The following OCA2 variants were observed in gnomAD, a reference collection of about 807,000 sequenced individuals.
OCA2 encodes P protein.
A neutral mutation model predicts 100.2 loss-of-function variants in OCA2; 77 were observed. The ratio of observed to expected loss-of-function variants is 0.77; its 90% confidence interval spans 0.64 to 0.93. The LOEUF is 0.93. Ranked by LOEUF, OCA2 falls within the 40% of genes least tolerant of loss-of-function variation. The pLI, the probability that OCA2 is intolerant of heterozygous loss-of-function variation, is 0.00. For missense variants in OCA2, 1,062 were observed against 1,089.1 expected (o/e 0.98, Z 0.35); for synonymous variants, 432 against 439.2 (o/e 0.98, Z 0.21).
intron 2 of OCA2, among the ~76,000 whole-genome samples, chr15:28,049,423 C>A (rs922724526): frequency 6.6e-6 from 1 of 152,126 alleles, no homozygotes; most frequent in Non-Finnish European, 1.5e-5. Flanking sequence ...CAGGTTCTCA[C>A]AAAGTTAAAC....
chr15:28,095,175 G>A (rs1037762345), intron 1 of OCA2, among the ~76,000 whole-genome samples: 149 of 152,322 alleles, frequency 9.8e-4, no homozygotes, highest in African/African-American at 3.4e-3. Flanking sequence ...ACGGCTGAGT[G>A]CTCCGGGCAT....
intron 22 of OCA2, among the ~76,000 whole-genome samples, chr15:27,848,065 A>G (rs569730298): frequency 8.2e-4 from 125 of 152,254 alleles, no homozygotes; most frequent in Admixed American, 2.0e-3. Context: ...CGGGACCCCT[A>G]TGTTTTCTGA....
Position 27,913,816 on chromosome 15 carries a change from G to GAGAAAGAA in OCA2, c.2079+12303_2079+12310dup, listed in dbSNP as rs1227102939. Among the ~76,000 whole-genome samples, 396 of 66,048 alleles carry GAGAAAGAA rather than the reference G, an allele frequency of 6.0e-3. 11 individuals are homozygous for GAGAAAGAA. The highest frequency in any genetic ancestry group is 0.026 in the Middle Eastern group (3 of 114). The allele number at this position is 66,048 out of a possible 152,430, so 43.3% of individuals were successfully genotyped here. ...GCAGAGACACAACAAAAAAAAAAAA[G>GAGAAAGAA]AGAAAGAAAGAAAGAAAGAAAGGAA... On this transcript the variant is annotated intron_variant, in intron 19 of 23. Coordinates refer to ENST00000354638, the MANE Select transcript of OCA2 (RefSeq NM_000275.3).
At chr15:28,002,123 G>C (rs2041946989) in intron 9 of OCA2, among the ~76,000 whole-genome samples, 1 of 152,182 alleles carries the variant, frequency 6.6e-6, no homozygotes, top group African/African-American at 2.4e-5. Flanking sequence ...TGGGCAGGAG[G>C]CACCAAAAAA....
At chr15:27,767,961 C>A (rs1360232791) in intron 23 of OCA2, among the ~76,000 whole-genome samples, 1 of 152,216 alleles carries the variant, frequency 6.6e-6, no homozygotes, top group African/African-American at 2.4e-5. Context: ...GGACTTGCCA[C>A]ATTTTAAGCT....
chr15:27,890,661 A>C (rs572300667), intron 19 of OCA2, among the ~76,000 whole-genome samples: 1 of 152,346 alleles, frequency 6.6e-6, no homozygotes, highest in Admixed American at 6.5e-5. Flanking sequence ...GATAAAGAAA[A>C]AGAATTTTTT....
Position 27,970,536 on chromosome 15 carries a change from G to T in OCA2, c.1504-3714C>A, listed in dbSNP as rs534658108. 8.0e-4 allele frequency among the ~76,000 whole-genome samples: 121 copies of T among 151,096 alleles called. 1 individual carries two copies. The highest frequency in any genetic ancestry group is 2.9e-3 in the African/African-American group (119 of 41,128). Reference sequence around the variant, plus strand: ...AGCACACACAGCACGGTGGGAAAATGTAAAGAATGTCCCAGCACGCACAGC... The same window carrying T: ...AGCACACACAGCACGGTGGGAAAATTTAAAGAATGTCCCAGCACGCACAGC... On this transcript the variant is annotated intron_variant, in intron 14 of 23. Transcript: ENST00000354638.
intron 18 of OCA2, among the ~76,000 whole-genome samples, chr15:27,927,784 C>CTTTTTT (rs34037519): frequency 7.8e-4 from 54 of 69,350 alleles, no homozygotes; most frequent in Non-Finnish European, 9.5e-4. Flanking sequence ...CTTTGAGCAT[C>CTTTTTT]TTTTTTTTTT....
intron 15 of OCA2, among the ~76,000 whole-genome samples, chr15:27,966,011 C>T (rs2040554774): frequency 6.6e-6 from 1 of 152,172 alleles, no homozygotes; most frequent in African/African-American, 2.4e-5. Context: ...CACTCTGTCG[C>T]CCAGGCTGGA....
chr15:28,097,886 C>G (rs2045015929), intron 1 of OCA2, among the ~76,000 whole-genome samples: 1 of 152,160 alleles, frequency 6.6e-6, no homozygotes, highest in East Asian at 1.9e-4. Flanking sequence ...TGCTCCCAAC[C>G]CCCCAGCCAC....
chr15:28,098,639 C>T (rs538510931), intron 1 of OCA2, among the ~76,000 whole-genome samples: 14 of 152,236 alleles, frequency 9.2e-5, no homozygotes, highest in South Asian at 4.1e-4. Flanking sequence ...AAGGGAGCAC[C>T]GGGCACTTGT....
At chr15:27,873,108 A>G (rs1025980304) in intron 19 of OCA2, among the ~76,000 whole-genome samples, 3 of 152,248 alleles carry the variant, frequency 2.0e-5, no homozygotes, top group Non-Finnish European at 4.4e-5. Flanking sequence ...TTCTCCATCA[A>G]GTTTGCTTTT....
intron 2 of OCA2, among the ~76,000 whole-genome samples, chr15:28,079,594 A>G (rs1383323634): frequency 6.6e-6 from 1 of 151,952 alleles, no homozygotes; most frequent in Non-Finnish European, 1.5e-5. Flanking sequence ...CATGGTGCTG[A>G]GAGCTGCCCC....
At chr15:27,746,659 G>A in the OCA2 span, among the ~76,000 whole-genome samples, 2 of 152,258 alleles carry the variant, frequency 1.3e-5, no homozygotes, top group East Asian at 1.9e-4. Context: ...CCCCAGCCAC[G>A]ACACTGGTCT....
Position 28,028,138 on chromosome 15 carries a change from G to A in OCA2, c.327-79C>T, listed in dbSNP as rs931845444. ...GCAAGCTTTCCTCTGAGTTCTGACT[G>A]TGTGAAATGGCACCGAATCAACCCT... On this transcript the variant is annotated intron_variant, in intron 3 of 23. Coordinates refer to ENST00000354638, the MANE Select transcript of OCA2 (RefSeq NM_000275.3). 6.0e-6 allele frequency: 9 copies of A among 1,498,014 alleles called. No homozygotes were observed. The African/African-American group carries it at 1.2e-4, about 21-fold the overall frequency. The allele number at this position is 1,498,014 out of a possible 1,614,324, so 92.8% of individuals were successfully genotyped here. A position where few individuals can be genotyped will look rare whatever the true frequency, so the allele number is the denominator to read the frequency against.
intron 18 of OCA2, among the ~76,000 whole-genome samples, chr15:27,944,705 G>A (rs2039771992): frequency 6.6e-6 from 1 of 151,996 alleles, no homozygotes; most frequent in Non-Finnish European, 1.5e-5. Flanking sequence ...CAACCAATTG[G>A]CAGCAAGCAC....
intron 18 of OCA2, among the ~76,000 whole-genome samples, chr15:27,938,597 C>CT (rs1177052665): frequency 2.0e-5 from 3 of 152,164 alleles, no homozygotes; most frequent in Non-Finnish European, 2.9e-5. Flanking sequence ...GGTTACTGTG[C>CT]TTAGAGGCTG....
At chr15:27,883,103 C>T (rs2037087360) in intron 19 of OCA2, among the ~76,000 whole-genome samples, 1 of 152,132 alleles carries the variant, frequency 6.6e-6, no homozygotes, top group South Asian at 2.1e-4. Flanking sequence ...TTTTCCCCCA[C>T]ACTCCCTGGC....
intron 2 of OCA2, among the ~76,000 whole-genome samples, chr15:28,068,005 G>A (rs2044078209): frequency 6.6e-6 from 1 of 152,102 alleles, no homozygotes; most frequent in Non-Finnish European, 1.5e-5. Context: ...TATGAATCTG[G>A]GTGCTACACG....
Sources: allele counts gnomAD v4.1 joint callset (sites outside exome capture counted in the v4.1 genomes callset), GRCh38; gene constraint gnomAD v4.1.1; transcripts MANE v1.5; gene names NCBI Gene and HGNC (gene_info 2026-07-23, HGNC 2026-07-21).